Variants in COL11A1 observed in about 807,000 individuals in gnomAD.
COL11A1 encodes collagen type XI alpha 1 chain.
A neutral mutation model predicts 265.2 loss-of-function variants in COL11A1; 74 were observed. The ratio of observed to expected loss-of-function variants is 0.28; its 90% CI spans 0.23 to 0.34. The LOEUF is 0.34. Among genes scored for constraint, COL11A1 ranks in the 10% least tolerant of loss-of-function variants. The pLI, the probability that COL11A1 is intolerant of heterozygous loss-of-function variation, is 1.00. For missense variants in COL11A1, 2,165 were observed against 2,263.6 expected (o/e 0.96, Z 0.88); for synonymous variants, 816 against 727.6 (o/e 1.12, Z -1.96).
At chr1:103,094,644 A>G (rs921106875) in intron 1 of COL11A1, among the ~76,000 whole-genome samples, 1 of 152,128 alleles carries the variant, frequency 6.6e-6, no homozygotes, top group Admixed American at 6.6e-5. Context: ...GAAAATCTTT[A>G]TGATGATTCA....
intron 31 of COL11A1, among the ~76,000 whole-genome samples, chr1:102,980,367 A>C (rs74898781): frequency 0.016 from 2,438 of 152,148 alleles, 57 homozygotes; most frequent in African/African-American, 0.056. Context: ...CATATATCTA[A>C]ATTTTTATCT....
intron 8 of COL11A1, 75 bp from the exon 9 acceptor site, chr1:103,021,844 T>C: frequency 8.5e-7 from 1 of 1,171,872 alleles, no homozygotes; most frequent in Non-Finnish European, 1.3e-6. Context: ...TCTTCTTTTT[T>C]TTTTTCTTTC....
intron 46 of COL11A1, 33 bp from the exon 47 acceptor site, chr1:102,923,422 C>A: frequency 6.6e-7 from 1 of 1,519,554 alleles, no homozygotes; most frequent in South Asian, 1.2e-5. Flanking sequence ...TAATAAAAGT[C>A]ACTGATGTCT....
chr1:102,886,904 T>A lies in COL11A1; in HGVS notation c.4761A>T (p.Lys1587Asn). ...EEIFGSLNSL[K>N]QDIEHMKFPM... ...GAAATTTCATATGCTCAATGTCTTG[T>A]TTCAGGGAATTGAGGGAACCAAATA... The change falls in exon 63 of 67, where the codon AAA (lysine) becomes AAT (asparagine). Residue 1587 changes from lysine to asparagine, a missense_variant. By Grantham distance (94) the Lys-to-Asn change is moderately conservative (BLOSUM62 0). Transcript: ENST00000370096. The A allele has an allele frequency of 1.2e-6, 2 of 1,613,874 alleles. No homozygotes were observed. The highest frequency in any genetic ancestry group is 1.7e-6 in the Non-Finnish European group (2 of 1,179,830).
intron 42 of COL11A1, among the ~76,000 whole-genome samples, chr1:102,942,684 A>G (rs1570806912): frequency 6.6e-6 from 1 of 152,086 alleles, no homozygotes; most frequent in African/African-American, 2.4e-5. Context: ...TTTTATTACA[A>G]TTCACAAAAT....
intron 21 of COL11A1, 62 bp downstream of exon 21, chr1:103,003,153 C>A: frequency 3.9e-6 from 6 of 1,551,080 alleles, no homozygotes; most frequent in Non-Finnish European, 4.4e-6. Flanking sequence ...GCTTTTATGG[C>A]CTCTAAAAGG....
At chr1:102,902,597 C>T (rs1653352126) in intron 54 of COL11A1, among the ~76,000 whole-genome samples, 1 of 151,944 alleles carries the variant, frequency 6.6e-6, no homozygotes, top group Non-Finnish European at 1.5e-5. Context: ...ATAATCTCTT[C>T]AGTGATTCTC....
chr1:103,025,578 A>G lies in COL11A1; in HGVS notation c.933T>C (p.Tyr311=), dbSNP rs762903488. 2 of 1,613,692 alleles carry G rather than the reference A, an allele frequency of 1.2e-6. No individual in the cohort carries two copies. Among genetic ancestry groups the G allele is most frequent in the African/African-American group, 1.3e-5 (1 of 74,924 alleles). ...CTGTCTGGTAACTTTCCATTGTTCC[A>G]TAGTTGTATTCTTGAAAATCATCAA... ...NIVDDFQEYN[Y]GTMESYQTEA... is the part of the protein sequence containing the mutation. Residue 311 remains tyrosine (Y), a synonymous_variant, in exon 7 of 67, where the codon TAT becomes TAC. Coordinates refer to ENST00000370096, the MANE Select transcript of COL11A1 (RefSeq NM_001854.4).
At chr1:102,989,066 A>AT (rs1389126329) in intron 29 of COL11A1, among the ~76,000 whole-genome samples, 1 of 152,084 alleles carries the variant, frequency 6.6e-6, no homozygotes, top group Non-Finnish European at 1.5e-5. Context: ...AAAAACTACT[A>AT]TTTTTACATT....
intron 4 of COL11A1, among the ~76,000 whole-genome samples, chr1:103,070,431 A>G (rs1424470860): frequency 1.3e-5 from 2 of 151,782 alleles, no homozygotes; most frequent in African/African-American, 4.8e-5. Flanking sequence ...ACAAGGGAAA[A>G]AAAACGAGTT....
chr1:102,912,050 A>G, intron 54 of COL11A1, 109 bp downstream of exon 54: 1 of 896,714 alleles, frequency 1.1e-6, no homozygotes, highest in African/African-American at 1.7e-5. Context: ...GATTTATGAT[A>G]TTTCTCATTA....
intron 53 of COL11A1, 134 bp from the exon 54 acceptor site, chr1:102,912,346 C>T: frequency 1.5e-6 from 1 of 688,476 alleles, no homozygotes; most frequent in Non-Finnish European, 2.4e-6. Context: ...AAATCTCAGC[C>T]CTATTTCAGA....
chr1:102,942,875 T>C (rs1340906279), intron 42 of COL11A1, among the ~76,000 whole-genome samples: 1 of 152,118 alleles, frequency 6.6e-6, no homozygotes, highest in African/African-American at 2.4e-5. Context: ...AGAACTATAA[T>C]TTTATCTAGT....
At position 102,896,551 on chromosome 1, in the gene COL11A1, C is replaced by T. The variant is rs142314646; in HGVS notation, c.4302+1574G>A. ...ACATTATATTCACATCGTAAGTACT[C>T]GCCATAAAACAAGCAGTCAGAATGG... is the stretch of plus-strand genomic sequence containing the variant. On this transcript the variant is annotated intron_variant, in intron 57 of 66. Coordinates refer to ENST00000370096, the MANE Select transcript of COL11A1 (RefSeq NM_001854.4). Among the ~76,000 whole-genome samples the T allele has an allele frequency of 9.2e-5, 14 of 152,254 alleles. No homozygotes were observed. The East Asian group carries it at 9.6e-4, about 10-fold the overall frequency.
intron 31 of COL11A1, among the ~76,000 whole-genome samples, chr1:102,982,939 C>T (rs1663177674): frequency 6.6e-6 from 1 of 152,004 alleles, no homozygotes; most frequent in Non-Finnish European, 1.5e-5. Context: ...CTGAATGGGT[C>T]AAACTCAATA....
rs7553464 is a variant in COL11A1, at chr1:102,923,608, T to G, written c.3601-219A>C. On this transcript the variant is annotated intron_variant, in intron 46 of 66. Transcript: ENST00000370096. Reference sequence around the variant, plus strand: ...CAAATAAAATTTATGTTTTGTATAATATTATATTGTTTATTTTTAGTTATA... The same window carrying G: ...CAAATAAAATTTATGTTTTGTATAAGATTATATTGTTTATTTTTAGTTATA... 0.08 allele frequency among the ~76,000 whole-genome samples: 12,142 copies of G among 152,124 alleles called. 537 individuals carry two copies. The highest frequency in any genetic ancestry group is 0.099 in the African/African-American group (4,100 of 41,516).
intron 18 of COL11A1, among the ~76,000 whole-genome samples, chr1:103,005,340 T>A (rs1263754361): frequency 6.6e-6 from 1 of 152,180 alleles, no homozygotes; most frequent in Non-Finnish European, 1.5e-5. Context: ...CTGTTCAGAA[T>A]CATGGTTTCT....
At chr1:102,896,849 T>G (rs1290553324) in intron 57 of COL11A1, among the ~76,000 whole-genome samples, 3 of 152,126 alleles carry the variant, frequency 2.0e-5, no homozygotes, top group Non-Finnish European at 4.4e-5. Context: ...CTGGCAAATT[T>G]TAGAGTGACA....
At chr1:103,097,572 C>T (rs984659589) in intron 1 of COL11A1, among the ~76,000 whole-genome samples, 19 of 152,082 alleles carry the variant, frequency 1.2e-4, no homozygotes, top group Admixed American at 5.9e-4. Context: ...ACTTGTACCA[C>T]TATTTGATTA....
Sources: allele counts gnomAD v4.1 joint callset (sites outside exome capture counted in the v4.1 genomes callset), GRCh38; gene constraint gnomAD v4.1.1; transcripts MANE v1.5; gene names NCBI Gene and HGNC (gene_info 2026-07-23, HGNC 2026-07-21).